SUMF1: variants seen among roughly 807,000 people sequenced by gnomAD.
SUMF1 encodes formylglycine-generating enzyme.
SUMF1 carries 48 observed loss-of-function variants against 47.6 expected under a neutral mutation model. The observed-to-expected ratio is 1.01, with a 90% CI of 0.80 to 1.28. SUMF1 has a LOEUF of 1.28. Ranked by LOEUF, SUMF1 falls within the 50% of genes most tolerant of loss-of-function variation. SUMF1 has a pLI of 0.00. For synonymous variants in SUMF1, 230 were observed against 192.1 expected (o/e 1.20, Z -1.63); for missense variants, 571 against 485.4 (o/e 1.18, Z -1.66).
At chr3:4,173,728 A>G (rs1037904722) in intron 8 of SUMF1, among the ~76,000 whole-genome samples, 2 of 152,172 alleles carry the variant, frequency 1.3e-5, no homozygotes, top group Admixed American at 1.3e-4. Flanking sequence ...TGTGCTTTAC[A>G]TGGACATGGA....
chr3:4,317,438 T>C, intron 8 of SUMF1: 2 of 534,344 alleles, frequency 3.7e-6, no homozygotes, highest in Non-Finnish European at 6.6e-6. Context: ...ATCCCAGCAC[T>C]TTGGGAGGCC....
chr3:4,305,152 A>G (rs1698139863), intron 8 of SUMF1, among the ~76,000 whole-genome samples: 1 of 152,052 alleles, frequency 6.6e-6, no homozygotes, highest in Non-Finnish European at 1.5e-5. Context: ...TGGTGGTGCG[A>G]TCAGCTCACT....
At chr3:4,176,947 A>T (rs1694978428) in intron 8 of SUMF1, among the ~76,000 whole-genome samples, 1 of 152,222 alleles carries the variant, frequency 6.6e-6, no homozygotes. Flanking sequence ...AAAGAAGGCC[A>T]TTACATAATG....
Position 4,063,623 on chromosome 3 carries a change from G to A in SUMF1, c.1191+4946C>T, listed in dbSNP as rs186521511. 2.1e-5 allele frequency among the ~76,000 whole-genome samples: 3 copies of A among 144,634 alleles called. No individual in the cohort carries two copies. In the East Asian group the frequency reaches 5.8e-4, roughly 28 times the overall value. The allele number at this position is 144,634 out of a possible 152,430, so 94.9% of individuals were successfully genotyped here. A position where few individuals can be genotyped will look rare whatever the true frequency, so the allele number is the denominator to read the frequency against. On this transcript the variant is annotated intron_variant and NMD_transcript_variant, in intron 9 of 12. Transcript: ENST00000448413. ...CCTCTTCAAAGAGAGAGCACCTTCA[G>A]TCCATGCTAGAGACCTTCTCTTCCT...
intron 1 of SUMF1, among the ~76,000 whole-genome samples, chr3:4,464,938 T>C (rs1410318858): frequency 2.0e-5 from 3 of 152,186 alleles, no homozygotes; most frequent in South Asian, 4.1e-4. Context: ...TAGCATCCAG[T>C]CAAGACACAA....
At chr3:4,255,447 A>C in intron 8 of SUMF1, among the ~76,000 whole-genome samples, 1 of 105,520 alleles carries the variant, frequency 9.5e-6, no homozygotes, top group Non-Finnish European at 2.0e-5. Flanking sequence ...AAAACAAAAA[A>C]AGGCAGGGGT....
intron 7 of SUMF1, among the ~76,000 whole-genome samples, chr3:4,394,362 T>C (rs1700974187): frequency 6.6e-6 from 1 of 152,094 alleles, no homozygotes; most frequent in African/African-American, 2.4e-5. Flanking sequence ...TTCACTATGT[T>C]GCCCAGGCTG....
chr3:4,223,747 A>G (rs1559584568), intron 8 of SUMF1, among the ~76,000 whole-genome samples: 1 of 152,086 alleles, frequency 6.6e-6, no homozygotes, highest in Non-Finnish European at 1.5e-5. Context: ...TGTGTTGGGA[A>G]GGTGGTGGTA....
chr3:4,220,922 A>T (rs1696046227), intron 8 of SUMF1, among the ~76,000 whole-genome samples: 1 of 152,146 alleles, frequency 6.6e-6, no homozygotes. Context: ...AGTATATAAA[A>T]TGTCTCTAAG....
chr3:4,411,348 C>T (rs924745347), intron 6 of SUMF1, among the ~76,000 whole-genome samples: 2 of 151,932 alleles, frequency 1.3e-5, no homozygotes, highest in Admixed American at 1.3e-4. Context: ...CCCATTGGAC[C>T]CAATATGAGT....
At chr3:4,171,407 T>C (rs926353712) in intron 8 of SUMF1, among the ~76,000 whole-genome samples, 1 of 152,162 alleles carries the variant, frequency 6.6e-6, no homozygotes, top group South Asian at 2.1e-4. Context: ...AGCTAACAGT[T>C]AGACTTGAGT....
chr3:4,400,820 T>C (rs570891193), intron 7 of SUMF1, among the ~76,000 whole-genome samples: 1 of 152,328 alleles, frequency 6.6e-6, no homozygotes, highest in East Asian at 1.9e-4. Flanking sequence ...TCATTTTATT[T>C]TATTTTTATT....
intron 3 of SUMF1, among the ~76,000 whole-genome samples, chr3:4,435,044 CAGCCTCCCAAGT>C (rs1702352312): frequency 6.6e-6 from 1 of 152,202 alleles, no homozygotes; most frequent in South Asian, 2.1e-4. Flanking sequence ...TCTTATGTCT[CAGCCTCCCAAGT>C]AGCTGGGATT....
At chr3:4,400,157 C>T (rs1004761736) in intron 7 of SUMF1, among the ~76,000 whole-genome samples, 3 of 152,152 alleles carry the variant, frequency 2.0e-5, no homozygotes, top group Non-Finnish European at 4.4e-5. Context: ...CCAGAGTACC[C>T]CTCCTCTGCC....
chr3:4,436,053 G>A (rs944169335), intron 3 of SUMF1, among the ~76,000 whole-genome samples: 3 of 152,194 alleles, frequency 2.0e-5, no homozygotes, highest in Admixed American at 6.5e-5. Context: ...AGGCCAAGGT[G>A]GGAGGATCAC....
intron 8 of SUMF1, among the ~76,000 whole-genome samples, chr3:4,353,302 G>C (rs2125158830): frequency 6.6e-6 from 1 of 152,274 alleles, no homozygotes; most frequent in South Asian, 2.1e-4. Context: ...GCCCAGGCTG[G>C]AGTACAGTGG....
intron 8 of SUMF1, among the ~76,000 whole-genome samples, chr3:4,245,159 T>C (rs1365277551): frequency 6.6e-6 from 1 of 152,136 alleles, no homozygotes; most frequent in Non-Finnish European, 1.5e-5. Flanking sequence ...TCAAGGTTTT[T>C]AGCTTCCTTG....
chr3:4,262,002 C>T (rs144771994), intron 8 of SUMF1, among the ~76,000 whole-genome samples: 14 of 152,304 alleles, frequency 9.2e-5, no homozygotes, highest in Middle Eastern at 3.4e-3. Context: ...GGAAACCAAA[C>T]GTATAACAAG....
At chr3:4,239,130 C>T (rs761115676) in intron 8 of SUMF1, among the ~76,000 whole-genome samples, 9 of 152,068 alleles carry the variant, frequency 5.9e-5, no homozygotes, top group Non-Finnish European at 1.3e-4. Flanking sequence ...TTCCATTGGT[C>T]TATATATCTG....
Sources: allele counts gnomAD v4.1 joint callset (sites outside exome capture counted in the v4.1 genomes callset), GRCh38; gene constraint gnomAD v4.1.1; transcripts MANE v1.5; gene names NCBI Gene and HGNC (gene_info 2026-07-23, HGNC 2026-07-21).